ZFHX3: variants seen among roughly 807,000 people sequenced by gnomAD.
ZFHX3 encodes the protein zinc finger homeobox protein 3.
Under a neutral mutation model 279.1 loss-of-function variants are expected in ZFHX3, and 42 were observed. The ratio of observed to expected loss-of-function variants is 0.15; its 90% CI spans 0.12 to 0.19. ZFHX3 has a LOEUF of 0.19. ZFHX3 is among the 10% of genes least tolerant of loss of function. The pLI, the probability that ZFHX3 is intolerant of heterozygous loss-of-function variation, is 1.00. For missense variants in ZFHX3, 4,981 were observed against 4,754.0 expected, an observed-to-expected ratio of 1.05 and a Z score of -1.40; for synonymous variants, 2,293 against 1,957.8, an observed-to-expected ratio of 1.17 and a Z score of -4.52.
At chr16:73,358,595 C>G (rs963841764) in intron 3 of ZFHX3, among the ~76,000 whole-genome samples, 17 of 152,226 alleles carry the variant, frequency 1.1e-4, no homozygotes, top group Non-Finnish European at 4.4e-5. Flanking sequence ...TAAGATGGTA[C>G]ATTGTTTCAA....
At chr16:73,479,392 C>G (rs1011558693) in intron 2 of ZFHX3, among the ~76,000 whole-genome samples, 1 of 152,176 alleles carries the variant, frequency 6.6e-6, no homozygotes, top group Non-Finnish European at 1.5e-5. Flanking sequence ...AGTCACGAAA[C>G]TCATTCCACT....
At chr16:73,854,295 G>A (rs1567431191) in intron 1 of ZFHX3, among the ~76,000 whole-genome samples, 1 of 152,140 alleles carries the variant, frequency 6.6e-6, no homozygotes, top group African/African-American at 2.4e-5. Flanking sequence ...GGAGGCAGAC[G>A]CGGGTGGATC....
intron 2 of ZFHX3, among the ~76,000 whole-genome samples, chr16:73,457,414 A>G (rs1384740284): frequency 6.6e-6 from 1 of 152,198 alleles, no homozygotes; most frequent in African/African-American, 2.4e-5. Context: ...GCAAATCTGC[A>G]TTATTAGTAG....
chr16:73,403,475 G>T (rs768111849), intron 3 of ZFHX3, among the ~76,000 whole-genome samples: 2 of 152,204 alleles, frequency 1.3e-5, no homozygotes, highest in African/African-American at 4.8e-5. Flanking sequence ...CCGGGTCTGT[G>T]TGCACGTTTG....
At chr16:73,425,003 G>A (rs755605881) in intron 3 of ZFHX3, among the ~76,000 whole-genome samples, 6 of 152,118 alleles carry the variant, frequency 3.9e-5, no homozygotes, top group African/African-American at 7.2e-5. Flanking sequence ...GACCACCAGC[G>A]GGAGTGCGTC....
At chr16:73,107,587 G>A (rs554568262) in intron 7 of ZFHX3, among the ~76,000 whole-genome samples, 3 of 152,292 alleles carry the variant, frequency 2.0e-5, no homozygotes, top group Middle Eastern at 6.8e-3. Flanking sequence ...TCACTCCTGT[G>A]CCTGGAACAA....
At chr16:73,425,763 A>T (rs1567480425) in intron 3 of ZFHX3, among the ~76,000 whole-genome samples, 1 of 152,132 alleles carries the variant, frequency 6.6e-6, no homozygotes, top group Non-Finnish European at 1.5e-5. Context: ...CATCTGAAAA[A>T]TTAGCACACA....
intron 7 of ZFHX3, among the ~76,000 whole-genome samples, chr16:73,122,162 G>A (rs1966506811): frequency 4.6e-5 from 7 of 151,984 alleles, no homozygotes; most frequent in Admixed American, 4.6e-4. Context: ...TTAATGGATA[G>A]CCACATCAAA....
intron 4 of ZFHX3, 133 bp from the exon 5 acceptor site, chr16:72,829,992 CT>C: frequency 1.1e-6 from 1 of 872,324 alleles, no homozygotes; most frequent in Non-Finnish European, 1.8e-6. Flanking sequence ...CCAGAGGCCC[CT>C]GGGAGACTGA....
chr16:72,959,966 G>T lies in ZFHX3; in HGVS notation c.180C>A (p.Arg60=), dbSNP rs371418449. Residue 60 remains arginine, a synonymous_variant, in exon 2 of 10, where the codon CGC becomes CGA. Transcript: ENST00000268489. ...CGGCCGACGCGGTGCTCTCCGCGAG[G>T]CGCTCATTGAAGGGGGCCCTCAGGC... ...LDSLRAPFNE[R]LAESTASAGP... is the part of the protein sequence containing the mutation. 7 of 1,610,754 alleles carry T rather than the reference G, an allele frequency of 4.3e-6. No individual in the cohort carries two copies. The African/African-American group carries it at 8.0e-5, about 18-fold the overall frequency.
At chr16:73,630,402 A>G (rs1299176103) in intron 2 of ZFHX3, among the ~76,000 whole-genome samples, 1 of 152,194 alleles carries the variant, frequency 6.6e-6, no homozygotes, top group Non-Finnish European at 1.5e-5. Context: ...AGCAAAATTA[A>G]ATACATAGGG....
chr16:73,398,730 G>A (rs960308633), intron 3 of ZFHX3, among the ~76,000 whole-genome samples: 17 of 152,262 alleles, frequency 1.1e-4, no homozygotes, highest in Middle Eastern at 3.4e-3. Context: ...TACATAAGCC[G>A]ACCCATAAGC....
At chr16:73,145,363 G>A (rs761923918) in intron 5 of ZFHX3, among the ~76,000 whole-genome samples, 2 of 152,224 alleles carry the variant, frequency 1.3e-5, no homozygotes, top group Non-Finnish European at 2.9e-5. Context: ...TCAGGGTGTA[G>A]CTGCTGGCTA....
intron 3 of ZFHX3, among the ~76,000 whole-genome samples, chr16:72,949,177 T>C (rs78460009): frequency 0.013 from 2,056 of 152,326 alleles, 56 homozygotes; most frequent in African/African-American, 0.048. Flanking sequence ...GAGGCCGACA[T>C]GGGCAAAGGA....
At chr16:73,784,370 A>G (rs554970199) in intron 1 of ZFHX3, among the ~76,000 whole-genome samples, 5 of 152,172 alleles carry the variant, frequency 3.3e-5, no homozygotes, top group Non-Finnish European at 7.3e-5. Flanking sequence ...AGCAATAGCA[A>G]TACATGATGA....
At chr16:72,902,668 G>T (rs1338906165) in intron 3 of ZFHX3, among the ~76,000 whole-genome samples, 1 of 152,112 alleles carries the variant, frequency 6.6e-6, no homozygotes, top group Non-Finnish European at 1.5e-5. Flanking sequence ...ATTCCAATGG[G>T]CCTGAGCGCA....
At chr16:73,379,020 C>A (rs1035487819) in intron 3 of ZFHX3, among the ~76,000 whole-genome samples, 3 of 152,192 alleles carry the variant, frequency 2.0e-5, no homozygotes, top group Admixed American at 2.0e-4. Flanking sequence ...GTGTTTCGTA[C>A]AGTCCCAAGA....
At chr16:73,451,705 T>C (rs1020367081) in intron 3 of ZFHX3, among the ~76,000 whole-genome samples, 3 of 152,192 alleles carry the variant, frequency 2.0e-5, no homozygotes, top group African/African-American at 7.2e-5. Flanking sequence ...ATATTTCTGT[T>C]AACTGGGAAA....
At chr16:73,427,858 A>C (rs1260700867) in intron 3 of ZFHX3, among the ~76,000 whole-genome samples, 1 of 151,834 alleles carries the variant, frequency 6.6e-6, no homozygotes, top group Non-Finnish European at 1.5e-5. Flanking sequence ...CAGGAGAATC[A>C]CTGGAACCCG....
Sources: allele counts gnomAD v4.1 joint callset (sites outside exome capture counted in the v4.1 genomes callset), GRCh38; gene constraint gnomAD v4.1.1; transcripts MANE v1.5; gene names NCBI Gene and HGNC (gene_info 2026-07-23, HGNC 2026-07-21).